TBC1D32: variants seen among roughly 807,000 people sequenced by gnomAD.
The protein encoded by TBC1D32 is TBC1 domain family member 32.
TBC1D32 carries 151 observed loss-of-function variants against 170.3 expected under a neutral mutation model. That is an observed-to-expected ratio of 0.89 (90% CI 0.78 to 1.01). The LOEUF is 1.01. Ranked by LOEUF, TBC1D32 falls within the 50% of genes least tolerant of loss-of-function variation. The pLI, the probability that TBC1D32 is intolerant of heterozygous loss-of-function variation, is 0.00. For missense variants in TBC1D32, 1,464 were observed against 1,457.1 expected (o/e 1.00, Z -0.08); for synonymous variants, 498 against 488.0 (o/e 1.02, Z -0.27).
At chr6:121,124,128 C>T (rs1017056599) in intron 26 of TBC1D32, among the ~76,000 whole-genome samples, 1 of 151,880 alleles carries the variant, frequency 6.6e-6, no homozygotes, top group Non-Finnish European at 1.5e-5. Flanking sequence ...GTTAACATAC[C>T]ATGACTAAAT....
chr6:121,104,896 A>G (rs946157789), intron 30 of TBC1D32, among the ~76,000 whole-genome samples: 7 of 151,958 alleles, frequency 4.6e-5, no homozygotes, highest in Admixed American at 3.3e-4. Context: ...TTAAATGGCC[A>G]GTTTAAATTG....
At chr6:121,297,888 G>A (rs1423480132) in intron 10 of TBC1D32, among the ~76,000 whole-genome samples, 2 of 152,018 alleles carry the variant, frequency 1.3e-5, no homozygotes, top group Admixed American at 6.6e-5. Context: ...TGCAGAAAAC[G>A]ACATCAGAGA....
intron 21 of TBC1D32, 55 bp from the exon 22 acceptor site, chr6:121,205,218 T>A: frequency 1.2e-6 from 1 of 868,888 alleles, no homozygotes; most frequent in Admixed American, 3.0e-5. Context: ...TTAAAGAAAA[T>A]TAAGTCAACA....
In TBC1D32 at chr6:121,202,420, G is replaced by A. The variant is rs80176504; in HGVS notation, c.2570+2655C>T. ...ATGCTACTGACAGTTATAGTAAGAT[G>A]AGAAAAGAGAAGAATTCACTAGATT... On this transcript the variant is annotated intron_variant, in intron 22 of 31. Transcript: ENST00000398212. Among the ~76,000 whole-genome samples the A allele has an allele frequency of 1.6e-3, 240 of 150,804 alleles. 12 individuals carry two copies. Among genetic ancestry groups the A allele is most frequent in the African/African-American group, 5.8e-3 (233 of 40,504 alleles).
At chr6:121,117,219 G>T (rs1259445182) in intron 26 of TBC1D32, among the ~76,000 whole-genome samples, 1 of 152,172 alleles carries the variant, frequency 6.6e-6, no homozygotes, top group Non-Finnish European at 1.5e-5. Context: ...GCTTTTAAAT[G>T]AGAATATATG....
intron 25 of TBC1D32, among the ~76,000 whole-genome samples, chr6:121,129,198 C>G (rs1314714820): frequency 6.6e-6 from 1 of 152,152 alleles, no homozygotes; most frequent in Non-Finnish European, 1.5e-5. Flanking sequence ...ATAACTGATT[C>G]CAAAACTAGG....
chr6:121,320,006 AGAGT>A (rs1423677207), intron 2 of TBC1D32, among the ~76,000 whole-genome samples: 1 of 152,156 alleles, frequency 6.6e-6, no homozygotes, highest in Non-Finnish European at 1.5e-5. Context: ...GAAATTCTAC[AGAGT>A]AAGTACTTCC....
intron 30 of TBC1D32, among the ~76,000 whole-genome samples, chr6:121,103,786 T>C (rs1462878387): frequency 6.6e-6 from 1 of 151,866 alleles, no homozygotes; most frequent in Non-Finnish European, 1.5e-5. Flanking sequence ...CTTTAGACAA[T>C]ACACATTACA....
At chr6:121,096,229 T>C (rs1777390138) in intron 30 of TBC1D32, 2 of 152,152 alleles carry the variant, frequency 1.3e-5, no homozygotes, top group Non-Finnish European at 2.9e-5. Flanking sequence ...TAGAGGTGTT[T>C]ATAATATTCT....
intron 22 of TBC1D32, among the ~76,000 whole-genome samples, chr6:121,193,193 C>T (rs763586559): frequency 6.6e-6 from 1 of 152,170 alleles, no homozygotes; most frequent in African/African-American, 2.4e-5. Context: ...AGTAGGGACT[C>T]TGCATTTAAT....
At chr6:121,287,343 G>A (rs1316060730) in intron 12 of TBC1D32, among the ~76,000 whole-genome samples, 1 of 151,914 alleles carries the variant, frequency 6.6e-6, no homozygotes, top group Non-Finnish European at 1.5e-5. Context: ...AAAAGGCAGG[G>A]GTTGCAATCC....
chr6:121,236,128 T>A (rs942754898), intron 20 of TBC1D32, among the ~76,000 whole-genome samples: 1 of 116,990 alleles, frequency 8.5e-6, no homozygotes, highest in African/African-American at 2.6e-5. Flanking sequence ...GTTTTTATTT[T>A]TGTTTTTTTT....
intron 22 of TBC1D32, among the ~76,000 whole-genome samples, chr6:121,169,051 G>T (rs1310792278): frequency 2.2e-5 from 2 of 91,346 alleles, no homozygotes; most frequent in Admixed American, 2.2e-4. Flanking sequence ...ATTCTTTACA[G>T]AATCAGAAAA....
intron 31 of TBC1D32, among the ~76,000 whole-genome samples, chr6:121,089,550 G>A (rs1388964408): frequency 6.6e-6 from 1 of 152,076 alleles, no homozygotes; most frequent in African/African-American, 2.4e-5. Flanking sequence ...CTCTTAGAGA[G>A]CATTCTTTTA....
intron 4 of TBC1D32, 142 bp from the exon 5 acceptor site, chr6:121,308,243 A>C (rs1259663582): frequency 4.8e-5 from 40 of 833,548 alleles, no homozygotes; most frequent in Non-Finnish European, 6.8e-5. Flanking sequence ...TTATATTAAA[A>C]AGCTCTTGAG....
intron 22 of TBC1D32, among the ~76,000 whole-genome samples, chr6:121,195,484 C>T (rs1189624619): frequency 2.6e-5 from 4 of 152,172 alleles, no homozygotes; most frequent in African/African-American, 9.7e-5. Flanking sequence ...AACTGCCTAT[C>T]ATGAACTGGG....
rs528637293 is a variant in TBC1D32, at chr6:121,080,336, G to A, written c.*435C>T. 3.3e-4 allele frequency: 103 copies of A among 316,142 alleles called. 1 individual carries two copies. Among genetic ancestry groups the A allele is most frequent in the African/African-American group, 2.0e-3 (90 of 44,136 alleles). 19.6% of individuals were successfully genotyped at this position (316,142 alleles called of 1,614,324 possible). ...GGGTTCAAGCGATTCTCCTGCCTCA[G>A]CCTCCCAAGTAGCAGGGACTACAGG... On this transcript the variant is annotated 3_prime_UTR_variant, in exon 32 of 32. Transcript: ENST00000398212.
chr6:121,325,568 C>T (rs113353972), intron 1 of TBC1D32, among the ~76,000 whole-genome samples: 2,188 of 152,204 alleles, frequency 0.014, 13 homozygotes, highest in Middle Eastern at 0.034. Context: ...ACTGGCTAGC[C>T]ATACGCAGAA....
At chr6:121,131,570 T>C (rs1582895779) in intron 25 of TBC1D32, 57 bp downstream of exon 25, 10 of 1,533,558 alleles carry the variant, frequency 6.5e-6, no homozygotes, top group Non-Finnish European at 8.9e-6. Flanking sequence ...GAACCACAGA[T>C]TCTATTAATA....
Sources: gnomAD v4.1 joint callset for allele counts (sites outside exome capture counted in the v4.1 genomes callset) on GRCh38, gnomAD v4.1.1 for gene constraint, MANE v1.5 for transcripts, NCBI Gene and HGNC (gene_info 2026-07-23, HGNC 2026-07-21) for gene names.